Variants in HDAC7 observed in about 807,000 individuals in gnomAD.
HDAC7 encodes histone deacetylase 7.
HDAC7 carries 26 observed loss-of-function variants against 115.5 expected under a neutral mutation model. The observed-to-expected ratio is 0.23, with a 90% confidence interval of 0.16 to 0.31. The LOEUF is 0.31. Among genes scored for constraint, HDAC7 ranks in the 10% least tolerant of loss-of-function variants. The probability of loss-of-function intolerance (pLI) is 1.00; values close to 1 mark genes in which losing one functional copy is unlikely to be tolerated. For missense variants in HDAC7, 1,068 were observed against 1,329.0 expected, an observed-to-expected ratio of 0.80 and a Z score of 3.05; for synonymous variants, 564 against 550.9, an observed-to-expected ratio of 1.02 and a Z score of -0.33.
Position 47,795,078 on chromosome 12 carries a change from CTT to C in HDAC7, c.1284+104_1284+105del. The C allele has an allele frequency of 2.3e-6, 3 of 1,322,916 alleles. No homozygotes were observed. The highest frequency in any genetic ancestry group is 3.2e-6 in the Non-Finnish European group (3 of 947,246). The allele number at this position is 1,322,916 out of a possible 1,614,324, so 81.9% of individuals were successfully genotyped here. A position where few individuals can be genotyped will look rare whatever the true frequency, so the allele number is the denominator to read the frequency against. On this transcript the variant is annotated intron_variant, in intron 11 of 25. Transcript: ENST00000080059. The surrounding 1 kb of genome is among the most constrained non-coding windows in gnomAD (Gnocchi z 4.3). ...GGGCCCCAAGAAGCCACATCCCCCT[CTT>C]TTGCCCTCCAGTTCCCTGCCCTTTC...
Position 47,783,721 on chromosome 12 carries a change from C to T in HDAC7, c.*120G>A. On this transcript the variant is annotated 3_prime_UTR_variant, in exon 26 of 26. Transcript: ENST00000080059. ...TAACTGTCAAAGCAGGCAGGCTGTT[C>T]TCTGGTTCCAACTACTTGCCCACAG... 2 of 987,270 alleles carry T rather than the reference C, an allele frequency of 2.0e-6. No individual in the cohort carries two copies. Among genetic ancestry groups the T allele is most frequent in the South Asian group, 2.8e-5 (2 of 72,050 alleles). The allele number at this position is 987,270 out of a possible 1,614,324, so 61.2% of individuals were successfully genotyped here. A position where few individuals can be genotyped will look rare whatever the true frequency, so the allele number is the denominator to read the frequency against.
chr12:47,792,052 C>T (rs1167033422), intron 13 of HDAC7, 48 bp from the exon 14 acceptor site: 3 of 1,547,814 alleles, frequency 1.9e-6, no homozygotes, highest in Non-Finnish European at 2.6e-6. Context: ...CCTCACGCCC[C>T]ATGGCCTTGG....
chr12:47,805,375 G>A (rs1392051777), intron 1 of HDAC7, among the ~76,000 whole-genome samples: 1 of 152,048 alleles, frequency 6.6e-6, no homozygotes, highest in Non-Finnish European at 1.5e-5. Context: ...CACCTCCCTG[G>A]ACTCTTGATT....
chr12:47,796,112 A>G, intron 8 of HDAC7, 95 bp downstream of exon 8: 2 of 1,508,102 alleles, frequency 1.3e-6, no homozygotes, highest in African/African-American at 2.7e-5. Flanking sequence ...GGGGCTGCCC[A>G]GACCCTGCAG....
rs1464084415 is a variant in HDAC7, at chr12:47,795,100, C to T, written c.1284+84G>A. ...CCTCTTTTGCCCTCCAGTTCCCTGCCCTTTCTAAGTACCCCTCTTCTTTTG... is the reference window on the plus strand; with the variant it reads ...CCTCTTTTGCCCTCCAGTTCCCTGCTCTTTCTAAGTACCCCTCTTCTTTTG... On this transcript the variant is annotated intron_variant, in intron 11 of 25. Transcript: ENST00000080059. The surrounding 1 kb of genome is among the most constrained non-coding windows in gnomAD (Gnocchi z 4.3). 8 of 1,357,096 alleles carry T rather than the reference C, an allele frequency of 5.9e-6. No homozygotes were observed. The South Asian group carries it at 9.2e-5, about 16-fold the overall frequency. 84.1% of individuals were successfully genotyped at this position (1,357,096 alleles called of 1,614,324 possible). A position where few individuals can be genotyped will look rare whatever the true frequency, so the allele number is the denominator to read the frequency against.
intron 19 of HDAC7, chr12:47,788,898 G>T: frequency 4.8e-6 from 1 of 206,598 alleles, no homozygotes; most frequent in Non-Finnish European, 9.7e-6. Flanking sequence ...ATCAGTGTCT[G>T]GATGTGATTA....
chr12:47,791,391 G>A, intron 15 of HDAC7, 83 bp from the exon 16 acceptor site: 2 of 1,425,830 alleles, frequency 1.4e-6, no homozygotes, highest in Admixed American at 2.3e-5. Context: ...AGAGAGCAGG[G>A]CCGGGTGAGT....
Position 47,796,200 on chromosome 12 carries a change from G to T in HDAC7, c.795+7C>A. 1 of 1,603,838 alleles carries T rather than the reference G, an allele frequency of 6.2e-7. No individual in the cohort carries two copies. Among genetic ancestry groups the T allele is most frequent in the East Asian group, 2.2e-5 (1 of 44,540 alleles). ...CCCAGGAGAGCCCAGTCTCGGCAAG[G>T]CCTTACCTCCGAGCCCAGGATGGGA... On this transcript the variant is annotated splice_region_variant and intron_variant, in intron 8 of 25. Transcript: ENST00000080059.
At chr12:47,811,758 C>T (rs1944677193) in intron 1 of HDAC7, among the ~76,000 whole-genome samples, 1 of 152,182 alleles carries the variant, frequency 6.6e-6, no homozygotes, top group Non-Finnish European at 1.5e-5. Context: ...GTTTTCACCG[C>T]CCCCGGGTCT....
At chr12:47,805,433 A>C (rs1944359075) in intron 1 of HDAC7, among the ~76,000 whole-genome samples, 1 of 152,190 alleles carries the variant, frequency 6.6e-6, no homozygotes, top group Admixed American at 6.5e-5. Flanking sequence ...CAGCAGCAAG[A>C]GGAAAGCAGG....
chr12:47,785,297 C>T (rs781231100), intron 24 of HDAC7, 90 bp downstream of exon 24: 7 of 1,100,080 alleles, frequency 6.4e-6, no homozygotes, highest in Non-Finnish European at 9.2e-6. Context: ...CTGGCTGGCA[C>T]CGGAAGCCCT....
At chr12:47,813,736 TG>T (rs1944767148) in intron 1 of HDAC7, among the ~76,000 whole-genome samples, 1 of 152,124 alleles carries the variant, frequency 6.6e-6, no homozygotes, top group African/African-American at 2.4e-5. Context: ...CGGGAAGGCC[TG>T]GGAGTCGGGA....
At chr12:47,807,979 G>C (rs1944475322) in intron 1 of HDAC7, among the ~76,000 whole-genome samples, 1 of 152,230 alleles carries the variant, frequency 6.6e-6, no homozygotes, top group East Asian at 1.9e-4. Flanking sequence ...TGTATAGGCA[G>C]AGGAGCCAGC....
intron 13 of HDAC7, 26 bp from the exon 14 acceptor site, chr12:47,792,030 G>A: frequency 1.3e-6 from 2 of 1,581,796 alleles, no homozygotes; most frequent in African/African-American, 1.3e-5. Flanking sequence ...TCAGAGCGGG[G>A]ACCCAGGGAG....
At chr12:47,811,993 C>T (rs1944688721) in intron 1 of HDAC7, among the ~76,000 whole-genome samples, 1 of 152,220 alleles carries the variant, frequency 6.6e-6, no homozygotes, top group African/African-American at 2.4e-5. Context: ...ACTGACCTGC[C>T]CACCCCTCCT....
chr12:47,793,674 A>C lies in HDAC7; in HGVS notation c.1459-86T>G. Reference sequence around the variant, plus strand: ...CCTGAGGTCTTGGGAACTGCCAAGCAGGCCCCTTTCCTAGAGAGATTCCAG... The same window carrying C: ...CCTGAGGTCTTGGGAACTGCCAAGCCGGCCCCTTTCCTAGAGAGATTCCAG... On this transcript the variant is annotated intron_variant, in intron 12 of 25. Transcript: ENST00000080059. The surrounding 1 kb of genome is among the most constrained non-coding windows in gnomAD (Gnocchi z 4.5). 2.9e-6 allele frequency: 3 copies of C among 1,047,688 alleles called. No homozygotes were observed. Among genetic ancestry groups the C allele is most frequent in the Non-Finnish European group, 4.1e-6 (3 of 739,874 alleles). 64.9% of individuals were successfully genotyped at this position (1,047,688 alleles called of 1,614,324 possible).
chr12:47,791,260 C>G lies in HDAC7; in HGVS notation c.1982G>C (p.Gly661Ala), dbSNP rs776342414. 6 of 1,599,744 alleles carry G rather than the reference C, an allele frequency of 3.8e-6. No individual in the cohort carries two copies. Among genetic ancestry groups the G allele is most frequent in the Non-Finnish European group, 5.1e-6 (6 of 1,173,422 alleles). ...MFVMLPCGGV[G>A]VDTDTIWNEL... The stretch of plus-strand genomic sequence containing the variant: ...CCTGAGACCCCTGGGCACACTTACC[C>G]CAACCCCACCACAGGGCAGCATCAC... The change falls in exon 16 of 26, where the codon GGG (glycine) becomes GCG (alanine). Residue 661 changes from glycine to alanine, a missense_variant and splice_region_variant. Physicochemically the swap from Gly to Ala is moderately conservative, Grantham distance 60. Around this residue, in one of 6 missense-constraint regions of HDAC7, gnomAD observed 182 missense variants for 301.1 expected, o/e 0.60. Coordinates refer to ENST00000080059, the MANE Select transcript of HDAC7 (RefSeq NM_015401.5).
intron 17 of HDAC7, 88 bp from the exon 18 acceptor site, chr12:47,789,666 G>A: frequency 6.7e-7 from 1 of 1,490,622 alleles, no homozygotes; most frequent in South Asian, 1.1e-5. Flanking sequence ...ATCTCAACCT[G>A]GTTCCCAGAG....
intron 2 of HDAC7, 86 bp from the exon 3 acceptor site, chr12:47,799,058 A>G (rs74085225): frequency 0.03 from 28,592 of 956,974 alleles, 749 homozygotes; most frequent in African/African-American, 0.12. Flanking sequence ...AGCCTCCCTC[A>G]GGCTCACTTG....
Sources: gnomAD v4.1 joint callset for allele counts (sites outside exome capture counted in the v4.1 genomes callset) on GRCh38, gnomAD v4.1.1 for gene constraint, gnomAD v4.1.1 regional missense constraint, Gnocchi (gnomAD v3.1) non-coding constraint, MANE v1.5 for transcripts, NCBI Gene and HGNC (gene_info 2026-07-23, HGNC 2026-07-21) for gene names.